INTS4: variants seen among roughly 807,000 people sequenced by gnomAD.
INTS4 encodes the protein MSTP093.
In INTS4, 70 loss-of-function variants were observed where a neutral mutation model predicts 119.5. The observed-to-expected ratio is 0.59, with a 90% CI of 0.48 to 0.71. INTS4 has a LOEUF of 0.71. INTS4 is among the 30% of genes least tolerant of loss of function. The pLI is 0.00. For missense variants in INTS4, 867 were observed against 1,173.2 expected, an observed-to-expected ratio of 0.74 and a Z score of 3.81; for synonymous variants, 316 against 419.6, an observed-to-expected ratio of 0.75 and a Z score of 3.02.
In INTS4 at chr11:77,951,493, A is replaced by G. The variant is rs924979326; in HGVS notation, c.918+4449T>C. Among the ~76,000 whole-genome samples the G allele has an allele frequency of 3.9e-5, 6 of 152,170 alleles. No individual in the cohort carries two copies. The East Asian group carries it at 7.7e-4, about 20-fold the overall frequency. ...AGCTGAAACTGGATCCCTTCCTTAC[A>G]CCTTATACAAAAATTAATTCAAGAT... On this transcript the variant is annotated intron_variant, in intron 8 of 22. Transcript: ENST00000534064.
At position 77,967,124 on chromosome 11, in the gene INTS4, T is replaced by C. The variant is rs558030890; in HGVS notation, c.472-5986A>G. On this transcript the variant is annotated intron_variant, in intron 4 of 22. Coordinates refer to ENST00000534064, the MANE Select transcript of INTS4 (RefSeq NM_033547.4). ...TTAAGCATCTTTTCATATTGGATTA[T>C]TGACCATCTATATGTCTTCTTTGGA... Among the ~76,000 whole-genome samples, 11 of 152,356 alleles carry C rather than the reference T, an allele frequency of 7.2e-5. No homozygotes were observed. The East Asian group carries it at 1.7e-3, about 24-fold the overall frequency.
intron 4 of INTS4, among the ~76,000 whole-genome samples, chr11:77,962,580 T>G (rs1426675383): frequency 6.6e-6 from 1 of 152,158 alleles, no homozygotes; most frequent in Non-Finnish European, 1.5e-5. Context: ...TCAAACTTCT[T>G]TTGACTAGCA....
chr11:77,876,478 C>G (rs190765573), downstream of INTS4, among the ~76,000 whole-genome samples: 3 of 150,940 alleles, frequency 2.0e-5, no homozygotes, highest in African/African-American at 7.3e-5. Flanking sequence ...TTCCCCAGAA[C>G]GTGAAAATTC....
At chr11:77,965,381 T>C (rs1855455731) in intron 4 of INTS4, among the ~76,000 whole-genome samples, 1 of 152,176 alleles carries the variant, frequency 6.6e-6, no homozygotes, top group Non-Finnish European at 1.5e-5. Flanking sequence ...TATACATTAT[T>C]GTGGACTATA....
At chr11:77,910,822 T>A in intron 15 of INTS4, 1 of 353,736 alleles carries the variant, frequency 2.8e-6, no homozygotes, top group South Asian at 2.3e-5. Context: ...AAGTACTGGT[T>A]TTCTTTGCTT....
intron 15 of INTS4, among the ~76,000 whole-genome samples, chr11:77,910,235 T>C (rs370779327): frequency 1.3e-5 from 2 of 151,832 alleles, no homozygotes; most frequent in South Asian, 2.1e-4. Flanking sequence ...AAATGTGGCA[T>C]ATATACACCA....
chr11:77,994,223 T>C (rs974314523), intron 1 of INTS4, among the ~76,000 whole-genome samples: 3 of 152,066 alleles, frequency 2.0e-5, no homozygotes, highest in Non-Finnish European at 2.9e-5. Flanking sequence ...GCTCTGCTGC[T>C]AACTGGCTGT....
intron 10 of INTS4, among the ~76,000 whole-genome samples, chr11:77,937,847 A>T (rs374605015): frequency 7.4e-6 from 1 of 135,908 alleles, no homozygotes; most frequent in Non-Finnish European, 1.7e-5. Context: ...TTATTTATTT[A>T]TTTATTTATT....
intron 19 of INTS4, among the ~76,000 whole-genome samples, chr11:77,893,630 C>T (rs1371324757): frequency 3.3e-5 from 5 of 152,140 alleles, no homozygotes; most frequent in Admixed American, 6.5e-5. Flanking sequence ...CGGTGGCTCA[C>T]GCCTGTAATC....
chr11:77,928,230 C>G, intron 11 of INTS4, 112 bp downstream of exon 11: 2 of 1,114,464 alleles, frequency 1.8e-6, no homozygotes, highest in Non-Finnish European at 2.6e-6. Context: ...GGTGAGAAAA[C>G]AGAACTGTGC....
At chr11:77,952,763 A>C (rs1954226938) in intron 8 of INTS4, among the ~76,000 whole-genome samples, 1 of 152,198 alleles carries the variant, frequency 6.6e-6, no homozygotes, top group African/African-American at 2.4e-5. Context: ...TATGCAAATA[A>C]ATTTCAGATC....
At chr11:77,885,011 C>CA (rs577081497) in intron 21 of INTS4, 168 of 186,016 alleles carry the variant, frequency 9.0e-4, no homozygotes, top group African/African-American at 3.8e-3. Context: ...CCTCCTGCCT[C>CA]AGACTCCCAT....
At chr11:77,957,618 G>A (rs1194655951) in intron 7 of INTS4, among the ~76,000 whole-genome samples, 8 of 147,020 alleles carry the variant, frequency 5.4e-5, no homozygotes, top group East Asian at 2.0e-4. Context: ...AGCTTCCACC[G>A]AATATTTCAT....
At chr11:77,986,135 T>C (rs1856448415) in intron 2 of INTS4, among the ~76,000 whole-genome samples, 1 of 152,234 alleles carries the variant, frequency 6.6e-6, no homozygotes, top group Admixed American at 6.5e-5. Context: ...GCTTGAGATC[T>C]GACATCAGAA....
intron 8 of INTS4, among the ~76,000 whole-genome samples, chr11:77,955,664 T>A (rs1380215348): frequency 6.6e-6 from 1 of 152,094 alleles, no homozygotes; most frequent in Admixed American, 6.5e-5. Context: ...CCCAGCTAAT[T>A]TTTGTATTTT....
chr11:77,894,496 T>A, intron 18 of INTS4, 147 bp from the exon 19 acceptor site: 12 of 538,920 alleles, frequency 2.2e-5, no homozygotes. Context: ...AGACTCCTAA[T>A]GGACCTGGGG....
chr11:77,964,540 C>CCTGTGAGCCGAGA (rs1390764043), intron 4 of INTS4, among the ~76,000 whole-genome samples: 39 of 151,794 alleles, frequency 2.6e-4, no homozygotes, highest in African/African-American at 9.4e-4. Flanking sequence ...CGCCACTGCA[C>CCTGTGAGCCGAGA]TCCAGCCTGT....
intron 1 of INTS4, among the ~76,000 whole-genome samples, chr11:77,992,195 C>T (rs1171280084): frequency 6.6e-6 from 1 of 151,902 alleles, no homozygotes; most frequent in Non-Finnish European, 1.5e-5. Flanking sequence ...GCCAGGAGTT[C>T]AAGACCAGCC....
chr11:77,951,900 G>A (rs1954205782), intron 8 of INTS4, among the ~76,000 whole-genome samples: 2 of 152,114 alleles, frequency 1.3e-5, no homozygotes, highest in Admixed American at 6.6e-5. Flanking sequence ...GCAGCCAAAA[G>A]ACACAGGAAA....
Sources: gnomAD v4.1 joint callset for allele counts (sites outside exome capture counted in the v4.1 genomes callset) on GRCh38, gnomAD v4.1.1 for gene constraint, MANE v1.5 for transcripts, NCBI Gene and HGNC (gene_info 2026-07-23, HGNC 2026-07-21) for gene names.